The following OSBPL9 variants were observed in gnomAD, a reference collection of about 807,000 sequenced individuals.
OSBPL9 encodes oxysterol-binding protein-related protein 9.
Under a neutral mutation model 106.6 loss-of-function variants are expected in OSBPL9, and 40 were observed. That is an observed-to-expected ratio of 0.38 (90% CI 0.29 to 0.49). The LOEUF (loss-of-function observed/expected upper bound fraction) is 0.49. Among genes scored for constraint, OSBPL9 ranks in the 20% least tolerant of loss-of-function variants. The probability of loss-of-function intolerance (pLI) is 0.97; values close to 1 mark genes in which losing one functional copy is unlikely to be tolerated. For missense variants in OSBPL9, 609 were observed against 887.2 expected (o/e 0.69, Z 3.98); for synonymous variants, 269 against 295.4 (o/e 0.91, Z 0.92).
intron 3 of OSBPL9, among the ~76,000 whole-genome samples, chr1:51,700,235 A>C (rs890257131): frequency 1.3e-5 from 2 of 152,104 alleles, no homozygotes; most frequent in African/African-American, 4.8e-5. Context: ...CCCATTGTAT[A>C]GCTTCCCTCT....
chr1:51,527,878 C>G, the OSBPL9 span, among the ~76,000 whole-genome samples: 1 of 151,244 alleles, frequency 6.6e-6, no homozygotes, highest in African/African-American at 2.4e-5. Context: ...TTTGGGAGAC[C>G]GAGGCAAGCA....
At chr1:51,636,237 T>A (rs1202286167) in intron 1 of OSBPL9, among the ~76,000 whole-genome samples, 1 of 147,142 alleles carries the variant, frequency 6.8e-6, no homozygotes, top group Non-Finnish European at 1.5e-5. Flanking sequence ...CATAGTTCAC[T>A]GTAGCCTCAA....
intron 3 of OSBPL9, among the ~76,000 whole-genome samples, chr1:51,691,904 A>G (rs576140812): frequency 2.6e-5 from 4 of 152,298 alleles, no homozygotes; most frequent in Admixed American, 1.3e-4. Flanking sequence ...GCATAGAGCT[A>G]TCATCTCCTA....
chr1:51,545,174 A>C, the OSBPL9 span, among the ~76,000 whole-genome samples: 1 of 152,202 alleles, frequency 6.6e-6, no homozygotes, highest in Non-Finnish European at 1.5e-5. Flanking sequence ...TAGATTAAAA[A>C]TAAAAAGAAA....
intron 1 of OSBPL9, among the ~76,000 whole-genome samples, chr1:51,620,105 G>C (rs909605037): frequency 1.3e-5 from 2 of 152,152 alleles, no homozygotes; most frequent in African/African-American, 4.8e-5. Flanking sequence ...GAACTGAATA[G>C]ATTTACACAA....
At chr1:51,734,151 C>T (rs75574359) in intron 4 of OSBPL9, among the ~76,000 whole-genome samples, 3 of 152,094 alleles carry the variant, frequency 2.0e-5, no homozygotes, top group African/African-American at 4.8e-5. Context: ...TATACATGTG[C>T]GCACGCAGGA....
At chr1:51,774,595 G>A (rs1002055970) in intron 14 of OSBPL9, among the ~76,000 whole-genome samples, 15 of 152,086 alleles carry the variant, frequency 9.9e-5, no homozygotes, top group African/African-American at 2.9e-4. Context: ...ACCTCACTCA[G>A]TCTTTAAAAT....
At chr1:51,634,631 A>T (rs1645308548) in intron 1 of OSBPL9, among the ~76,000 whole-genome samples, 1 of 152,192 alleles carries the variant, frequency 6.6e-6, no homozygotes, top group Non-Finnish European at 1.5e-5. Flanking sequence ...GCAGAAAGGA[A>T]TAGAGGGTTA....
intron 3 of OSBPL9, among the ~76,000 whole-genome samples, chr1:51,686,027 T>C (rs940999779): frequency 2.6e-5 from 4 of 152,136 alleles, no homozygotes; most frequent in Non-Finnish European, 1.5e-5. Context: ...GAACTGGTCC[T>C]TGAATATGGA....
intron 6 of OSBPL9, 48 bp downstream of exon 6, chr1:51,746,805 C>CT (rs746416494): frequency 6.8e-7 from 1 of 1,460,008 alleles, no homozygotes; most frequent in East Asian, 2.3e-5. Context: ...TAAATTCAGC[C>CT]TTTTGGAGAA....
intron 3 of OSBPL9, among the ~76,000 whole-genome samples, chr1:51,700,654 A>G (rs74453100): frequency 0.019 from 2,866 of 152,326 alleles, 49 homozygotes; most frequent in African/African-American, 0.046. Flanking sequence ...GATTGTATTC[A>G]GAGGTATAGG....
the OSBPL9 span, among the ~76,000 whole-genome samples, chr1:51,561,299 G>A: frequency 6.6e-6 from 1 of 152,162 alleles, no homozygotes; most frequent in Non-Finnish European, 1.5e-5. Context: ...CTTAACAGAT[G>A]TATGTCTTCA....
intron 14 of OSBPL9, 59 bp from the exon 15 acceptor site, chr1:51,776,774 T>C (rs1675179562): frequency 2.8e-6 from 3 of 1,085,034 alleles, no homozygotes; most frequent in Admixed American, 2.2e-5. Flanking sequence ...TTTTTTTTTT[T>C]AGTCTGTTTA....
chr1:51,602,876 G>A (rs555151822), intron 2 of OSBPL9, among the ~76,000 whole-genome samples: 184 of 152,296 alleles, frequency 1.2e-3, no homozygotes, highest in African/African-American at 4.3e-3. Context: ...AAACACTAGG[G>A]CTGGGGTGGT....
intron 3 of OSBPL9, among the ~76,000 whole-genome samples, chr1:51,676,162 G>A (rs972682597): frequency 2.0e-5 from 3 of 152,030 alleles, no homozygotes; most frequent in Non-Finnish European, 2.9e-5. Context: ...TATCAGAAAA[G>A]GAATTAAGAG....
chr1:51,779,552 T>C (rs1406120573), intron 15 of OSBPL9, among the ~76,000 whole-genome samples: 1 of 151,968 alleles, frequency 6.6e-6, no homozygotes. Context: ...TGGAACTTAG[T>C]CAAATTAAAA....
chr1:51,773,899 C>T (rs1001435384), intron 14 of OSBPL9, among the ~76,000 whole-genome samples: 10 of 151,998 alleles, frequency 6.6e-5, no homozygotes, highest in African/African-American at 2.4e-4. Flanking sequence ...GGAGTTTGTC[C>T]CCGGAATTGC....
intron 4 of OSBPL9, among the ~76,000 whole-genome samples, chr1:51,715,936 T>G (rs1208773902): frequency 6.6e-6 from 1 of 152,246 alleles, no homozygotes; most frequent in Non-Finnish European, 1.5e-5. Flanking sequence ...ATCTCTTTCC[T>G]TTGAATACTA....
chr1:51,756,055 C>A (rs1377429036), intron 8 of OSBPL9, among the ~76,000 whole-genome samples: 1 of 152,186 alleles, frequency 6.6e-6, no homozygotes, highest in East Asian at 1.9e-4. Context: ...GACTACAGTT[C>A]TACAGGATAT....
Sources: gnomAD v4.1 joint callset for allele counts (sites outside exome capture counted in the v4.1 genomes callset) on GRCh38, gnomAD v4.1.1 for gene constraint, MANE v1.5 for transcripts, NCBI Gene and HGNC (gene_info 2026-07-23, HGNC 2026-07-21) for gene names.